Variants in NXPE3 observed in about 807,000 individuals in gnomAD.
NXPE3 encodes the protein neurexophilin and PC-esterase domain family member 3.
A neutral mutation model predicts 46.1 loss-of-function variants in NXPE3; 26 were observed. The observed-to-expected ratio is 0.56, with a 90% CI of 0.41 to 0.78. The LOEUF is 0.78. Among genes scored for constraint, NXPE3 ranks in the 30% least tolerant of loss-of-function variants. The pLI, the probability that NXPE3 is intolerant of heterozygous loss-of-function variation, is 0.00. For missense variants in NXPE3, 620 were observed against 686.0 expected (o/e 0.90, Z 1.07); for synonymous variants, 272 against 257.9 (o/e 1.05, Z -0.52).
chr3:101,808,144 T>C (rs1941512368), intron 6 of NXPE3, among the ~76,000 whole-genome samples: 1 of 152,192 alleles, frequency 6.6e-6, no homozygotes, highest in South Asian at 2.1e-4. Flanking sequence ...AAGAAAGTTT[T>C]AACAAACTTT....
At position 101,816,836 on chromosome 3, in the gene NXPE3, C is replaced by T. The variant is rs1387067609; in HGVS notation, c.964C>T (p.Pro322Ser). ...ACTATCTCAAGGCTCAGGAACTTTT[C>T]CTTCTGGGTATTATTATAAAGACCA... Reference protein sequence around the residue: ...LELSQGSGTFPSGYYYKDQWR... With the variant: ...LELSQGSGTFSSGYYYKDQWR... The change falls in exon 7 of 8, where the codon CCT (proline) becomes TCT (serine). Residue 322 changes from proline (P) to serine (S), a missense_variant. This residue lies in a region of NXPE3 where 511 missense variants were observed against 528.6 expected (regional missense o/e 0.97). Transcript: ENST00000273347. 3 of 1,613,946 alleles carry T rather than the reference C, an allele frequency of 1.9e-6. No homozygotes were observed. Among genetic ancestry groups the T allele is most frequent in the Non-Finnish European group, 2.5e-6 (3 of 1,179,984 alleles).
At chr3:101,816,178 G>A (rs1448892072) in intron 6 of NXPE3, among the ~76,000 whole-genome samples, 2 of 152,086 alleles carry the variant, frequency 1.3e-5, no homozygotes, top group African/African-American at 4.8e-5. Flanking sequence ...AAAAATGTAA[G>A]CAGAGGGAAT....
At chr3:101,801,086 A>G in intron 4 of NXPE3, 149 bp from the exon 5 acceptor site, 1 of 837,962 alleles carries the variant, frequency 1.2e-6, no homozygotes. Context: ...CGGAAGCCCA[A>G]GGGGATTTTT....
Position 101,821,699 on chromosome 3 carries a change from A to C in NXPE3, c.1425A>C (p.Pro475=), listed in dbSNP as rs781676538. The C allele has an allele frequency of 1.9e-6, 3 of 1,614,116 alleles. No individual in the cohort carries two copies. The African/African-American group carries it at 4.0e-5, about 22-fold the overall frequency. Residue 475 remains proline (P), a synonymous_variant, in exon 8 of 8, where the codon CCA becomes CCC. Coordinates refer to ENST00000273347, the MANE Select transcript of NXPE3 (RefSeq NM_145037.4). ...RAVVRLLDRS[P]KTVVVIRTAN... is the part of the protein sequence containing the mutation. ...TGGTTCGGCTCCTCGATCGAAGCCC[A>C]AAGACCGTGGTGGTCATCCGGACGG...
In NXPE3 at chr3:101,821,415, T is replaced by C. The variant is rs1354218686; in HGVS notation, c.1141T>C (p.Phe381Leu). ...TTTCCTTGTTTCAGATTTAGTGGAG[T>C]TTAACTTGGGTAGTCCCAAGAATGT... The part of the protein sequence containing the change: ...LTTFVPDLVE[F>L]NLGSPKNVGP... Residue 381 changes from phenylalanine to leucine, a missense_variant, in exon 8 of 8, where the codon TTT becomes CTT. By Grantham distance (22) the Phe-to-Leu change is conservative. Transcript: ENST00000273347. 1 of 1,611,966 alleles carries C rather than the reference T, an allele frequency of 6.2e-7. No homozygotes were observed. The highest frequency in any genetic ancestry group is 8.5e-7 in the Non-Finnish European group (1 of 1,178,278).
chr3:101,807,140 T>G lies in NXPE3; in HGVS notation c.922+14T>G, dbSNP rs1941455181. 2.5e-6 allele frequency: 4 copies of G among 1,597,918 alleles called. No homozygotes were observed. The highest frequency in any genetic ancestry group is 4.5e-5 in the East Asian group (2 of 44,782). On this transcript the variant is annotated intron_variant, in intron 6 of 7. Coordinates refer to ENST00000273347, the MANE Select transcript of NXPE3 (RefSeq NM_145037.4). ...GGAGAATAAAAGGTAAAAAAAAGAA[T>G]AAGCTTGATGATTTGTTGTTTTTCT...
At chr3:101,811,021 G>C (rs919879838) in intron 6 of NXPE3, among the ~76,000 whole-genome samples, 2 of 152,024 alleles carry the variant, frequency 1.3e-5, no homozygotes, top group Non-Finnish European at 2.9e-5. Context: ...GGTTTTCACT[G>C]TGTTGGCCAG....
intron 7 of NXPE3, among the ~76,000 whole-genome samples, chr3:101,818,490 C>G (rs1395648525): frequency 6.6e-6 from 1 of 151,726 alleles, no homozygotes; most frequent in African/African-American, 2.4e-5. Context: ...TGACTGTTTT[C>G]ATCACGTCCC....
intron 7 of NXPE3, among the ~76,000 whole-genome samples, chr3:101,821,112 A>G (rs1009285823): frequency 6.6e-6 from 1 of 152,152 alleles, no homozygotes; most frequent in Non-Finnish European, 1.5e-5. Flanking sequence ...AAAATGGGTT[A>G]TTTTGTTTTT....
intron 6 of NXPE3, among the ~76,000 whole-genome samples, chr3:101,809,645 G>T (rs1054111521): frequency 5.3e-5 from 8 of 152,094 alleles, no homozygotes; most frequent in Admixed American, 5.2e-4. Context: ...ATTTATATCA[G>T]TGTAGACTCA....
chr3:101,810,311 T>C (rs148852062), intron 6 of NXPE3, among the ~76,000 whole-genome samples: 2 of 152,282 alleles, frequency 1.3e-5, no homozygotes, highest in African/African-American at 4.8e-5. Context: ...GGGAACTTAC[T>C]GAGAGTTTAG....
chr3:101,817,616 A>G (rs1942030009), intron 7 of NXPE3, among the ~76,000 whole-genome samples: 1 of 151,882 alleles, frequency 6.6e-6, no homozygotes, highest in Non-Finnish European at 1.5e-5. Context: ...TGTTCTCCAG[A>G]CTCAGAACAA....
intron 5 of NXPE3, among the ~76,000 whole-genome samples, chr3:101,802,494 G>A (rs377456830): frequency 1.3e-4 from 20 of 151,874 alleles, no homozygotes; most frequent in African/African-American, 4.1e-4. Flanking sequence ...GGGCTGGTAG[G>A]GCTGGTAGTC....
chr3:101,818,880 C>T lies in NXPE3; in HGVS notation c.1129+1879C>T, dbSNP rs550774441. ...TCGCAGGTTCATGTGATTCTCCTGC[C>T]TCAGCCTCCCAAGTAGCTGAGATTA... is the stretch of plus-strand genomic sequence containing the variant. On this transcript the variant is annotated intron_variant, in intron 7 of 7. Transcript: ENST00000273347. Among the ~76,000 whole-genome samples, 10 of 147,762 alleles carry T rather than the reference C, an allele frequency of 6.8e-5. No individual in the cohort carries two copies. In the South Asian group the frequency reaches 2.0e-3, roughly 29 times the overall value.
At chr3:101,780,309 C>T (rs1939738450) in intron 1 of NXPE3, among the ~76,000 whole-genome samples, 2 of 152,080 alleles carry the variant, frequency 1.3e-5, no homozygotes, top group Non-Finnish European at 2.9e-5. Flanking sequence ...TGTCTGTTAT[C>T]CTCACAATCT....
At chr3:101,801,126 A>G in intron 4 of NXPE3, 109 bp from the exon 5 acceptor site, 1 of 1,164,890 alleles carries the variant, frequency 8.6e-7, no homozygotes. Flanking sequence ...AATCTGATTG[A>G]GCTCCTGGAG....
chr3:101,806,511 C>T (rs1173087506), intron 5 of NXPE3, among the ~76,000 whole-genome samples: 1 of 151,956 alleles, frequency 6.6e-6, no homozygotes, highest in African/African-American at 2.4e-5. Context: ...ATTTTTTTCC[C>T]CTGCTGCCTC....
chr3:101,795,371 A>T (rs1250272145), intron 4 of NXPE3, among the ~76,000 whole-genome samples: 1 of 152,102 alleles, frequency 6.6e-6, no homozygotes, highest in East Asian at 1.9e-4. Context: ...AATACAAAAA[A>T]GCTGGGCGTG....
intron 4 of NXPE3, among the ~76,000 whole-genome samples, chr3:101,791,105 G>A (rs1940493695): frequency 6.6e-6 from 1 of 151,926 alleles, no homozygotes; most frequent in African/African-American, 2.4e-5. Context: ...CACTGTCCTC[G>A]CTCAAGTAAA....
Sources: gnomAD v4.1 joint callset for allele counts (sites outside exome capture counted in the v4.1 genomes callset) on GRCh38, gnomAD v4.1.1 for gene constraint, gnomAD v4.1.1 regional missense constraint, MANE v1.5 for transcripts, NCBI Gene and HGNC (gene_info 2026-07-23, HGNC 2026-07-21) for gene names.